Variants in VPS13B observed in about 807,000 individuals in gnomAD.
VPS13B encodes the protein vacuolar protein sorting 13 homolog B, also known as intermembrane lipid transfer protein VPS13B.
Under a neutral mutation model 426.4 loss-of-function variants are expected in VPS13B, and 285 were observed. That is an observed-to-expected ratio of 0.67 (90% CI 0.61 to 0.74). VPS13B has a LOEUF of 0.74. VPS13B is among the 30% of genes least tolerant of loss of function. The pLI is 0.00. For synonymous variants in VPS13B, 1,676 were observed against 1,676.4 expected, an observed-to-expected ratio of 1.00 and a Z score of 0.01; for missense variants, 4,537 against 4,782.6, an observed-to-expected ratio of 0.95 and a Z score of 1.51.
At chr8:99,077,711 C>T (rs946149650) in intron 3 of VPS13B, among the ~76,000 whole-genome samples, 12 of 151,952 alleles carry the variant, frequency 7.9e-5, no homozygotes, top group Admixed American at 7.2e-4. Context: ...CCTTGGAGGA[C>T]TTTTTCTGGT....
At position 99,469,874 on chromosome 8, in the gene VPS13B, C is replaced by G. The variant is rs553041448; in HGVS notation, c.3666+2240C>G. ...ACAAAGGGAAGATGATGTAAAGATA[C>G]ACATGGAGATTGTCATGTGAACATG... On this transcript the variant is annotated intron_variant, in intron 24 of 61. Transcript: ENST00000357162. Among the ~76,000 whole-genome samples, 7 of 152,152 alleles carry G rather than the reference C, an allele frequency of 4.6e-5. No homozygotes were observed. The South Asian group carries it at 1.5e-3, about 32-fold the overall frequency.
At chr8:99,369,613 TCTA>T (rs1378226796) in intron 19 of VPS13B, among the ~76,000 whole-genome samples, 2 of 152,170 alleles carry the variant, frequency 1.3e-5, no homozygotes, top group Non-Finnish European at 2.9e-5. Flanking sequence ...GAGAGTATCA[TCTA>T]CTTTGACACA....
chr8:99,660,393 TA>T, intron 34 of VPS13B, among the ~76,000 whole-genome samples: 1 of 152,030 alleles, frequency 6.6e-6, no homozygotes, highest in African/African-American at 2.4e-5. Flanking sequence ...CTAAAATAAA[TA>T]ATACTTTAAT....
rs149819912 is a variant in VPS13B, at chr8:99,216,200, A to G, written c.2515+23143A>G. On this transcript the variant is annotated intron_variant, in intron 17 of 61. Transcript: ENST00000357162. ...TGTGCTACAATTGCTTTTGTTCACT[A>G]TGCTTAAGCCACATCGATCTCTTTT... Among the ~76,000 whole-genome samples, 484 of 152,260 alleles carry G rather than the reference A, an allele frequency of 3.2e-3. 5 individuals carry two copies. Among genetic ancestry groups the G allele is most frequent in the African/African-American group, 0.011 (457 of 41,558 alleles).
chr8:99,744,831 G>T (rs993800222), intron 39 of VPS13B, among the ~76,000 whole-genome samples: 15 of 147,042 alleles, frequency 1.0e-4, no homozygotes, highest in South Asian at 2.2e-4. Context: ...GGGGTGGGGG[G>T]AAGGGGGAGG....
At chr8:99,130,642 G>A (rs759209889) in intron 8 of VPS13B, among the ~76,000 whole-genome samples, 26 of 151,864 alleles carry the variant, frequency 1.7e-4, no homozygotes, top group Non-Finnish European at 3.7e-4. Context: ...CGCCCACCTC[G>A]GCCTCCCAAA....
At chr8:99,570,737 G>C (rs963660201) in intron 31 of VPS13B, among the ~76,000 whole-genome samples, 6 of 151,948 alleles carry the variant, frequency 3.9e-5, no homozygotes, top group Non-Finnish European at 5.9e-5. Context: ...AAAATAGTCT[G>C]TATTAGAAGC....
rs1814115554 is a variant in VPS13B at position 99,817,526 on chromosome 8, T to A, written c.8098-14T>A. 1 of 1,613,816 alleles carries A rather than the reference T, an allele frequency of 6.2e-7. No homozygotes were observed. Among genetic ancestry groups the A allele is most frequent in the African/African-American group, 1.3e-5 (1 of 75,040 alleles). On this transcript the variant is annotated splice_polypyrimidine_tract_variant and intron_variant, in intron 44 of 61. Coordinates refer to ENST00000357162, the MANE Select transcript of VPS13B (RefSeq NM_152564.5). ...CTGAATTGATGAAGCCTTATATACT[T>A]AACTGTCTTTTAGATTATCATCTGT...
chr8:99,697,013 C>T (rs1053014310), intron 35 of VPS13B: 27 of 586,846 alleles, frequency 4.6e-5, no homozygotes, highest in Non-Finnish European at 7.3e-5. Flanking sequence ...TGTGGGCCCT[C>T]CGCCTCAGCT....
rs775013418 is a variant in VPS13B, at chr8:99,511,241, A to G, written c.4362A>G (p.Glu1454=). The G allele has an allele frequency of 6.8e-6, 11 of 1,614,138 alleles. No homozygotes were observed. The highest frequency in any genetic ancestry group is 1.3e-5 in the African/African-American group (1 of 75,062). Residue 1454 remains glutamate, a synonymous_variant, in exon 29 of 62, where the codon GAA becomes GAG. Transcript: ENST00000357162. ...NERRSFHKLS[E]GLMDGSPHFL... ...GAAGAAGTTTTCATAAGTTATCTGA[A>G]GGCCTAATGGATGGTTCTCCTCATT...
intron 6 of VPS13B, among the ~76,000 whole-genome samples, chr8:99,114,936 C>CT (rs1246610689): frequency 6.6e-6 from 1 of 152,166 alleles, no homozygotes; most frequent in African/African-American, 2.4e-5. Context: ...TTATATTCCA[C>CT]TGATGTCTCT....
intron 19 of VPS13B, among the ~76,000 whole-genome samples, chr8:99,276,338 G>T (rs1286189720): frequency 4.6e-5 from 7 of 152,130 alleles, no homozygotes; most frequent in African/African-American, 9.7e-5. Context: ...TCAAAAATAA[G>T]ATTTCAGCCT....
chr8:99,798,378 T>A (rs1285517338), intron 43 of VPS13B, among the ~76,000 whole-genome samples: 1 of 152,144 alleles, frequency 6.6e-6, no homozygotes, highest in Non-Finnish European at 1.5e-5. Flanking sequence ...CATATTTGGA[T>A]TTTTTTCATT....
chr8:99,255,790 G>A (rs908661888), intron 17 of VPS13B, among the ~76,000 whole-genome samples: 18 of 152,016 alleles, frequency 1.2e-4, no homozygotes, highest in Non-Finnish European at 1.9e-4. Context: ...GCCGCAGGTT[G>A]GTAAAATTTT....
intron 19 of VPS13B, among the ~76,000 whole-genome samples, chr8:99,372,182 G>A (rs35692938): frequency 0.17 from 25,904 of 150,120 alleles, 2,758 homozygotes; most frequent in East Asian, 0.38. Context: ...ACCCCAGGGG[G>A]CGGAGCCTGC....
At chr8:99,088,329 C>G (rs763841218) in intron 3 of VPS13B, among the ~76,000 whole-genome samples, 1 of 151,392 alleles carries the variant, frequency 6.6e-6, no homozygotes, top group Non-Finnish European at 1.5e-5. Flanking sequence ...ATCTGTTTTT[C>G]TGTTCTGAAA....
At chr8:99,549,741 A>G (rs1335193764) in intron 30 of VPS13B, among the ~76,000 whole-genome samples, 2 of 151,886 alleles carry the variant, frequency 1.3e-5, no homozygotes, top group Admixed American at 6.6e-5. Flanking sequence ...GCCTTATACC[A>G]TTGCTTTCTC....
intron 43 of VPS13B, among the ~76,000 whole-genome samples, chr8:99,788,442 C>A (rs1204526644): frequency 6.8e-6 from 1 of 146,988 alleles, no homozygotes; most frequent in Non-Finnish European, 1.5e-5. Context: ...TGATGAGCAG[C>A]AGAGCATCTT....
chr8:99,372,531 G>A (rs940744301), intron 19 of VPS13B, among the ~76,000 whole-genome samples: 1 of 151,940 alleles, frequency 6.6e-6, no homozygotes, highest in Non-Finnish European at 1.5e-5. Flanking sequence ...CTCAAAAGAA[G>A]ACATTTATGT....
Sources: allele counts gnomAD v4.1 joint callset (sites outside exome capture counted in the v4.1 genomes callset), GRCh38; gene constraint gnomAD v4.1.1; transcripts MANE v1.5; gene names NCBI Gene and HGNC (gene_info 2026-07-23, HGNC 2026-07-21).